REN: variants seen among roughly 807,000 people sequenced by gnomAD.
The protein encoded by REN is angiotensin-forming enzyme.
In REN, 42 loss-of-function variants were observed where a neutral mutation model predicts 48.6. The ratio of observed to expected loss-of-function variants is 0.86; its 90% CI spans 0.68 to 1.12. The LOEUF (loss-of-function observed/expected upper bound fraction) is 1.12, where lower values mean the gene tolerates loss of function less well. Ranked by LOEUF, REN falls within the 50% of genes most tolerant of loss-of-function variation. The pLI is 0.00. For missense variants in REN, 443 were observed against 527.3 expected, an observed-to-expected ratio of 0.84 and a Z score of 1.57; for synonymous variants, 196 against 204.6, an observed-to-expected ratio of 0.96 and a Z score of 0.36.
In REN at chr1:204,156,131, G is replaced by C; in HGVS notation, c.960+47C>G. On this transcript the variant is annotated intron_variant, in intron 8 of 9. Coordinates refer to ENST00000272190, the MANE Select transcript of REN (RefSeq NM_000537.4). This position sits in a 1 kb window ranked among gnomAD's most constrained non-coding sequence, Gnocchi z 4.2. ...CTGGGGGATTTGTGAGCCGATACCAGGTGGCGCTCCCCCCACCCACAGCAC... is the reference window on the plus strand; with the variant it reads ...CTGGGGGATTTGTGAGCCGATACCACGTGGCGCTCCCCCCACCCACAGCAC... The C allele has an allele frequency of 6.2e-7, 1 of 1,613,508 alleles. No homozygotes were observed. Among genetic ancestry groups the C allele is most frequent in the Non-Finnish European group, 8.5e-7 (1 of 1,179,778 alleles).
chr1:204,154,971 C>G lies in REN; in HGVS notation c.*45G>C, dbSNP rs201369550. 1.2e-6 allele frequency: 2 copies of G among 1,609,442 alleles called. No individual in the cohort carries two copies. Among genetic ancestry groups the G allele is most frequent in the African/African-American group, 2.7e-5 (2 of 74,894 alleles). ...GGGCATCTCAGAGAGTGTTCCAGCT[C>G]TGGGCCAGGGCTGAAGGCAGGGCCT... On this transcript the variant is annotated 3_prime_UTR_variant, in exon 10 of 10. Transcript: ENST00000272190.
rs1447488600 is a variant in REN at position 204,154,961 on chromosome 1, T to C, written c.*55A>G. The C allele has an allele frequency of 1.3e-6, 2 of 1,597,096 alleles. No individual in the cohort carries two copies. Among genetic ancestry groups the C allele is most frequent in the Admixed American group, 3.3e-5 (2 of 59,944 alleles). ...CCAGGCAGAGGGGCATCTCAGAGAG[T>C]GTTCCAGCTCTGGGCCAGGGCTGAA... is the stretch of plus-strand genomic sequence containing the variant. On this transcript the variant is annotated 3_prime_UTR_variant, in exon 10 of 10. Transcript: ENST00000272190.
chr1:204,161,620 A>G (rs1658248242), intron 2 of REN, among the ~76,000 whole-genome samples: 1 of 152,010 alleles, frequency 6.6e-6, no homozygotes. Flanking sequence ...TCAGTAAGAC[A>G]AGAGGGCAAA....
intron 4 of REN, among the ~76,000 whole-genome samples, chr1:204,159,878 C>T (rs969820721): frequency 2.0e-5 from 3 of 152,218 alleles, no homozygotes; most frequent in Non-Finnish European, 4.4e-5. Context: ...TCCTCCCCTC[C>T]CCAGTGGCCA....
Position 204,155,060 on chromosome 1 carries a change from ACT to A in REN, c.1175_1176del (p.Glu392ValfsTer2). 6.2e-7 allele frequency: 1 copy of A among 1,614,212 alleles called. No individual in the cohort carries two copies. The highest frequency in any genetic ancestry group is 8.5e-7 in the Non-Finnish European group (1 of 1,180,040). ...CCAATGCGGTTGTTACGCCGATCAAACTCTGTGTAGAACTTTCGGATGAAGGT... is the reference window on the plus strand; with the variant it reads ...CCAATGCGGTTGTTACGCCGATCAAACTGTGTAGAACTTTCGGATGAAGGT... The part of the protein sequence containing the change: ...GATFIRKFYT[E>X]FDRRNNRIGF... On this transcript the variant is annotated frameshift_variant, in exon 10 of 10. Coordinates refer to ENST00000272190, the MANE Select transcript of REN (RefSeq NM_000537.4). LOFTEE classifies it high-confidence loss of function.
Position 204,160,548 on chromosome 1 carries a change from G to A in REN, c.492+12C>T, listed in dbSNP as rs548625937. ...GGGTCCGGGGCAGATGACCTAGGGCGGCCCAACTTACGGTGATGATGTCCT... is the reference window on the plus strand; with the variant it reads ...GGGTCCGGGGCAGATGACCTAGGGCAGCCCAACTTACGGTGATGATGTCCT... On this transcript the variant is annotated intron_variant, in intron 4 of 9. Transcript: ENST00000272190. 100 of 1,586,914 alleles carry A rather than the reference G, an allele frequency of 6.3e-5. No individual in the cohort carries two copies. Among genetic ancestry groups the A allele is most frequent in the Middle Eastern group, 3.3e-4 (2 of 6,020 alleles).
intron 4 of REN, among the ~76,000 whole-genome samples, chr1:204,160,350 C>G (rs934963819): frequency 2.4e-4 from 37 of 152,230 alleles, no homozygotes; most frequent in African/African-American, 8.9e-4. Flanking sequence ...ACAAACCACC[C>G]AACGGTGAGC....
intron 1 of REN, 27 bp from the exon 2 acceptor site, chr1:204,162,190 T>C (rs372508734): frequency 3.5e-5 from 56 of 1,613,028 alleles, no homozygotes; most frequent in Non-Finnish European, 4.1e-5. Context: ...GAAGCAAAAA[T>C]AGAAAAGTGC....
At chr1:204,160,531 G>T in intron 4 of REN, 29 bp downstream of exon 4, 1 of 1,476,338 alleles carries the variant, frequency 6.8e-7, no homozygotes, top group Non-Finnish European at 9.5e-7. Context: ...AGGGGTCCGG[G>T]GCAGATGACC....
chr1:204,165,234 G>T (rs1658323224), intron 1 of REN, among the ~76,000 whole-genome samples: 1 of 152,192 alleles, frequency 6.6e-6, no homozygotes, highest in South Asian at 2.1e-4. Flanking sequence ...GCCTCCCAAA[G>T]TGTTGGGATT....
intron 1 of REN, among the ~76,000 whole-genome samples, chr1:204,165,943 C>T (rs891267208): frequency 2.6e-5 from 4 of 152,142 alleles, no homozygotes; most frequent in African/African-American, 9.7e-5. Context: ...AGGGGCATGT[C>T]CTAATACTTC....
chr1:204,159,305 A>G, intron 5 of REN, 94 bp downstream of exon 5: 1 of 1,143,016 alleles, frequency 8.7e-7, no homozygotes, highest in Non-Finnish European at 1.3e-6. Context: ...CTAATTACAA[A>G]CACTTTACAA....
In REN at chr1:204,159,398, C is replaced by T. The variant is rs945683735; in HGVS notation, c.689+1G>A. On this transcript the variant is annotated splice_donor_variant, in intron 5 of 9. Transcript: ENST00000272190. LOFTEE classifies it high-confidence loss of function. Reference sequence around the variant, plus strand: ...TCAGCCCTTGGAGTCCCAGTCCCCACCTGTTGTAGTAGAAAGAGAAGACGT... The same window carrying T: ...TCAGCCCTTGGAGTCCCAGTCCCCATCTGTTGTAGTAGAAAGAGAAGACGT... 6.2e-7 allele frequency: 1 copy of T among 1,613,812 alleles called. No individual in the cohort carries two copies. The highest frequency in any genetic ancestry group is 8.5e-7 in the Non-Finnish European group (1 of 1,179,870).
At chr1:204,163,673 C>T (rs1204095549) in intron 1 of REN, among the ~76,000 whole-genome samples, 4 of 152,198 alleles carry the variant, frequency 2.6e-5, no homozygotes, top group South Asian at 2.1e-4. Flanking sequence ...CAGCCCACAC[C>T]GGCCTCACCT....
In REN at chr1:204,166,336, C is replaced by G. The variant is rs1658349671; in HGVS notation, c.-43G>C. 2.6e-6 allele frequency: 4 copies of G among 1,555,318 alleles called. No individual in the cohort carries two copies. In the Middle Eastern group the frequency reaches 5.0e-4, roughly 196 times the overall value. On this transcript the variant is annotated 5_prime_UTR_variant, in exon 1 of 10. Transcript: ENST00000272190. ...GCTCTCTCTGAGATCCACTGAGGTT[C>G]TGTGGCTCCCTTAGCCCTTCCCCTT... is the stretch of plus-strand genomic sequence containing the variant.
chr1:204,164,015 C>T (rs1215190766), intron 1 of REN, among the ~76,000 whole-genome samples: 1 of 152,180 alleles, frequency 6.6e-6, no homozygotes, highest in East Asian at 1.9e-4. Flanking sequence ...TCAGCTGTCC[C>T]AAGTGCCTCG....
In REN at chr1:204,163,636, C is replaced by T. The variant is rs570652175; in HGVS notation, c.99-1473G>A. 3.9e-5 allele frequency among the ~76,000 whole-genome samples: 6 copies of T among 152,290 alleles called. No individual in the cohort carries two copies. The South Asian group carries it at 1.0e-3, about 26-fold the overall frequency. On this transcript the variant is annotated intron_variant, in intron 1 of 9. Transcript: ENST00000272190. ...CTCCAAGGCCCAACATGTACCCCCA[C>T]CTCCAGGAAGCTTACCCCAAGGCCT... is the stretch of plus-strand genomic sequence containing the variant.
intron 4 of REN, among the ~76,000 whole-genome samples, 184 bp from the exon 5 acceptor site, chr1:204,159,779 C>T (rs560613843): frequency 6.6e-6 from 1 of 152,152 alleles, no homozygotes; most frequent in Non-Finnish European, 1.5e-5. Context: ...TGCTGCGGAG[C>T]CCAGAGAGAG....
chr1:204,165,182 G>A (rs1299582787), intron 1 of REN, among the ~76,000 whole-genome samples: 5 of 152,150 alleles, frequency 3.3e-5, no homozygotes, highest in Admixed American at 2.0e-4. Context: ...TGTTGGTCAG[G>A]CTGGTCTTGA....
Sources: gnomAD v4.1 joint callset for allele counts (sites outside exome capture counted in the v4.1 genomes callset) on GRCh38, gnomAD v4.1.1 for gene constraint, Gnocchi (gnomAD v3.1) non-coding constraint, MANE v1.5 for transcripts, NCBI Gene and HGNC (gene_info 2026-07-23, HGNC 2026-07-21) for gene names.